The following ZNF385D variants were observed in gnomAD, a reference collection of about 807,000 sequenced individuals.
ZNF385D encodes the protein zinc finger protein 385D.
A neutral mutation model predicts 35.8 loss-of-function variants in ZNF385D; 15 were observed. The ratio of observed to expected loss-of-function variants is 0.42; its 90% CI spans 0.28 to 0.64. The LOEUF is 0.64. Ranked by LOEUF, ZNF385D falls within the 30% of genes least tolerant of loss-of-function variation. The pLI is 0.23. For missense variants in ZNF385D, 474 were observed against 494.6 expected (o/e 0.96, Z 0.39); for synonymous variants, 212 against 186.8 (o/e 1.13, Z -1.10).
At chr3:21,811,789 G>T (rs1215137590) in intron 3 of ZNF385D, among the ~76,000 whole-genome samples, 1 of 152,116 alleles carries the variant, frequency 6.6e-6, no homozygotes, top group African/African-American at 2.4e-5. Context: ...CATTTTGCAA[G>T]CCCTAATAAA....
chr3:21,676,420 T>A (rs1262039190), intron 1 of ZNF385D, among the ~76,000 whole-genome samples: 3 of 152,116 alleles, frequency 2.0e-5, no homozygotes, highest in African/African-American at 7.2e-5. Flanking sequence ...TTCTGAAACA[T>A]TTAGTCTTTG....
In ZNF385D at chr3:21,600,884, A is replaced by G. The variant is rs558047843; in HGVS notation, c.166-36200T>C. 4.4e-3 allele frequency among the ~76,000 whole-genome samples: 667 copies of G among 152,094 alleles called. 4 individuals carry two copies. Among genetic ancestry groups the G allele is most frequent in the African/African-American group, 0.014 (601 of 41,520 alleles). Reference sequence around the variant, plus strand: ...TGAGATTCTCAAATTTAAAAATAATAAGTCAAAGGGATGAATAGATTAAAA... The same window carrying G: ...TGAGATTCTCAAATTTAAAAATAATGAGTCAAAGGGATGAATAGATTAAAA... On this transcript the variant is annotated intron_variant, in intron 2 of 7. Coordinates refer to ENST00000281523, the MANE Select transcript of ZNF385D (RefSeq NM_024697.3).
intron 3 of ZNF385D, among the ~76,000 whole-genome samples, chr3:21,857,989 C>T (rs997205847): frequency 9.9e-5 from 15 of 151,632 alleles, no homozygotes; most frequent in East Asian, 7.8e-4. Context: ...ACCTGTAATC[C>T]CATCTCTACT....
At chr3:21,740,521 G>A (rs1575569527) in intron 1 of ZNF385D, among the ~76,000 whole-genome samples, 1 of 152,152 alleles carries the variant, frequency 6.6e-6, no homozygotes, top group African/African-American at 2.4e-5. Context: ...TTGGGTACCA[G>A]CTCTATAAAG....
chr3:21,668,115 A>G (rs929102338), intron 1 of ZNF385D, among the ~76,000 whole-genome samples: 1 of 152,000 alleles, frequency 6.6e-6, no homozygotes, highest in Non-Finnish European at 1.5e-5. Context: ...GATTCCCAGA[A>G]CCCCCTTCGG....
chr3:21,761,658 G>T lies in ZNF385D; in HGVS notation c.326-96630C>A, dbSNP rs2070614634. 2.6e-5 allele frequency among the ~76,000 whole-genome samples: 4 copies of T among 152,100 alleles called. No homozygotes were observed. The South Asian group carries it at 8.3e-4, about 32-fold the overall frequency. ...ATAGAGAGGATAAGACACTTTGGAGGAGTGAAGAGTGCATGTCAACTCTCA... is the reference window on the plus strand; with the variant it reads ...ATAGAGAGGATAAGACACTTTGGAGTAGTGAAGAGTGCATGTCAACTCTCA... On this transcript the variant is annotated intron_variant, in intron 3 of 5. Transcript: ENST00000494108.
intron 3 of ZNF385D, among the ~76,000 whole-genome samples, chr3:22,041,489 T>G (rs749736511): frequency 2.0e-5 from 3 of 152,090 alleles, no homozygotes; most frequent in Non-Finnish European, 4.4e-5. Context: ...ACTACAAAAT[T>G]CAAAACAATT....
At chr3:22,234,725 T>C (rs1456420831) in intron 2 of ZNF385D, among the ~76,000 whole-genome samples, 2 of 152,080 alleles carry the variant, frequency 1.3e-5, no homozygotes, top group Non-Finnish European at 1.5e-5. Flanking sequence ...ATTGTAGTGA[T>C]TGGAATGTGT....
At chr3:21,437,452 A>G (rs1294183973) in intron 4 of ZNF385D, among the ~76,000 whole-genome samples, 4 of 151,978 alleles carry the variant, frequency 2.6e-5, no homozygotes, top group African/African-American at 9.7e-5. Flanking sequence ...AAAATATTCT[A>G]TGGGGTAAAT....
chr3:21,917,217 A>G (rs943434172), intron 3 of ZNF385D, among the ~76,000 whole-genome samples: 1 of 152,146 alleles, frequency 6.6e-6, no homozygotes, highest in Non-Finnish European at 1.5e-5. Flanking sequence ...GGATCACTTG[A>G]GGTCAGGAGT....
intron 3 of ZNF385D, among the ~76,000 whole-genome samples, chr3:22,060,270 C>G (rs189910721): frequency 2.6e-5 from 4 of 152,270 alleles, no homozygotes; most frequent in East Asian, 3.9e-4. Context: ...AAATCCTCCT[C>G]TTATACTGTG....
intron 3 of ZNF385D, among the ~76,000 whole-genome samples, chr3:21,826,104 G>T (rs1055049588): frequency 2.0e-5 from 3 of 152,168 alleles, no homozygotes; most frequent in Non-Finnish European, 2.9e-5. Flanking sequence ...AAACGTTGGG[G>T]ACGGCTGCTC....
At chr3:22,240,373 G>T (rs948627436) in intron 2 of ZNF385D, among the ~76,000 whole-genome samples, 4 of 150,798 alleles carry the variant, frequency 2.7e-5, no homozygotes, top group African/African-American at 4.9e-5. Context: ...ACCTGACCAG[G>T]TATCTCCCTC....
At chr3:21,515,165 G>T (rs1028496396) in intron 3 of ZNF385D, among the ~76,000 whole-genome samples, 1 of 152,072 alleles carries the variant, frequency 6.6e-6, no homozygotes, top group Admixed American at 6.6e-5. Flanking sequence ...TGAGAGAGGG[G>T]TTTTGTCATT....
chr3:21,490,703 T>C (rs1253171892), intron 4 of ZNF385D, among the ~76,000 whole-genome samples: 2 of 151,898 alleles, frequency 1.3e-5, no homozygotes, highest in Non-Finnish European at 2.9e-5. Flanking sequence ...TCAGGTATCA[T>C]TGTCAAATTT....
chr3:22,219,604 A>T (rs1234052258), intron 2 of ZNF385D, among the ~76,000 whole-genome samples: 1 of 152,190 alleles, frequency 6.6e-6, no homozygotes, highest in Non-Finnish European at 1.5e-5. Context: ...CCGTAGGACT[A>T]GATGTGTTTT....
intron 4 of ZNF385D, among the ~76,000 whole-genome samples, chr3:21,447,953 A>G (rs73042489): frequency 0.28 from 42,083 of 152,106 alleles, 6,487 homozygotes; most frequent in East Asian, 0.43. Flanking sequence ...AATATTGAGT[A>G]TGGAAATAAT....
Position 22,305,703 on chromosome 3 carries a change from A to G in ZNF385D, c.106+66747T>C, listed in dbSNP as rs142856498. Reference sequence around the variant, plus strand: ...GGCCTAAGCAAGTCACACGGCCACAACTAACTTCAAGGAGCCTAGGAAGTA... The same window carrying G: ...GGCCTAAGCAAGTCACACGGCCACAGCTAACTTCAAGGAGCCTAGGAAGTA... On this transcript the variant is annotated intron_variant, in intron 2 of 5. Coordinates refer to the ZNF385D transcript ENST00000494108. 1.3e-3 allele frequency among the ~76,000 whole-genome samples: 203 copies of G among 152,304 alleles called. 1 individual carries two copies. Among genetic ancestry groups the G allele is most frequent in the African/African-American group, 4.4e-3 (183 of 41,586 alleles).
At chr3:22,367,620 T>A (rs977209674) in intron 2 of ZNF385D, among the ~76,000 whole-genome samples, 3 of 152,018 alleles carry the variant, frequency 2.0e-5, no homozygotes, top group Non-Finnish European at 2.9e-5. Flanking sequence ...GAATGCCTTC[T>A]GGAGTTTCCT....
Sources: gnomAD v4.1 joint callset for allele counts (sites outside exome capture counted in the v4.1 genomes callset) on GRCh38, gnomAD v4.1.1 for gene constraint, MANE v1.5 for transcripts, NCBI Gene and HGNC (gene_info 2026-07-23, HGNC 2026-07-21) for gene names.